ABCC3: variants seen among roughly 807,000 people sequenced by gnomAD.
ABCC3 encodes ATP-binding cassette sub-family C member 3.
In ABCC3, 121 loss-of-function variants were observed where a neutral mutation model predicts 165.3. The observed-to-expected ratio is 0.73, with a 90% CI of 0.63 to 0.85. ABCC3 has a LOEUF of 0.85. ABCC3 is among the 40% of genes least tolerant of loss of function. The probability of loss-of-function intolerance (pLI) is 0.00; values close to 1 mark genes in which losing one functional copy is unlikely to be tolerated. For missense variants in ABCC3, 1,869 were observed against 1,964.1 expected (o/e 0.95, Z 0.92); for synonymous variants, 733 against 810.1 (o/e 0.90, Z 1.62).
chr17:50,674,579 T>G (rs1346811559), intron 19 of ABCC3: 9 of 152,338 alleles, frequency 5.9e-5, no homozygotes, highest in Middle Eastern at 3.4e-3. Flanking sequence ...ATAGTCCTCA[T>G]GGAGCTTGTT....
At chr17:50,669,553 A>T (rs1296386605) in intron 17 of ABCC3, 25 bp downstream of exon 17, 2 of 1,611,898 alleles carry the variant, frequency 1.2e-6, no homozygotes. Context: ...TCCATCCCTA[A>T]GAGGCTAGGG....
At chr17:50,664,313 C>T in intron 10 of ABCC3, 1 of 633,412 alleles carries the variant, frequency 1.6e-6, no homozygotes, top group Non-Finnish European at 2.7e-6. Context: ...CACACTCCAG[C>T]CTGGGCAACA....
chr17:50,659,469 C>G, intron 7 of ABCC3, 101 bp downstream of exon 7: 1 of 1,402,276 alleles, frequency 7.1e-7, no homozygotes, highest in East Asian at 2.4e-5. Flanking sequence ...GCTGGGGTGG[C>G]AAGCAGAGCA....
chr17:50,646,963 C>T (rs1352759170), intron 1 of ABCC3, among the ~76,000 whole-genome samples: 1 of 152,222 alleles, frequency 6.6e-6, no homozygotes, highest in Non-Finnish European at 1.5e-5. Context: ...ACTGCAACCT[C>T]CGCCTCCCGG....
At chr17:50,678,474 G>A (rs1406723474) in intron 25 of ABCC3, among the ~76,000 whole-genome samples, 5 of 152,138 alleles carry the variant, frequency 3.3e-5, no homozygotes, top group Admixed American at 3.3e-4. Context: ...GAATTCTGTT[G>A]AATAATCTCT....
chr17:50,673,712 T>G, intron 19 of ABCC3, 54 bp downstream of exon 19: 1 of 1,562,326 alleles, frequency 6.4e-7, no homozygotes, highest in Non-Finnish European at 8.8e-7. Flanking sequence ...ATTCCCCCTG[T>G]CTGGGGTCTC....
At chr17:50,635,095 G>A (rs2054166209) in intron 1 of ABCC3, 114 bp downstream of exon 1, 2 of 1,165,678 alleles carry the variant, frequency 1.7e-6, no homozygotes, top group East Asian at 6.3e-5. Context: ...CGGAGCCCCT[G>A]AGACGGCCTG....
At position 50,673,068 on chromosome 17, in the gene ABCC3, C is replaced by T. The variant is rs766740692; in HGVS notation, c.2339C>T (p.Ala780Val). ...DIFLLDDPLS[A>V]VDSHVAKHIF... ...TTCTTGCTGGATGACCCACTGTCCG[C>T]GGTGGACTCTCATGTGGCCAAGCAC... Residue 780 changes from alanine to valine, a missense_variant, in exon 18 of 31, where the codon GCG (alanine) becomes GTG (valine). Coordinates refer to ENST00000285238, the MANE Select transcript of ABCC3 (RefSeq NM_003786.4). 4.6e-5 allele frequency: 74 copies of T among 1,613,984 alleles called. No homozygotes were observed. The highest frequency in any genetic ancestry group is 2.1e-5 in the Non-Finnish European group (25 of 1,180,036).
At chr17:50,646,718 A>G (rs1967008267) in intron 1 of ABCC3, among the ~76,000 whole-genome samples, 1 of 152,208 alleles carries the variant, frequency 6.6e-6, no homozygotes. Context: ...GTCTATGGCA[A>G]TTGCTCATGA....
In ABCC3 at chr17:50,677,761, A is replaced by G. The variant is rs771572140; in HGVS notation, c.3396A>G (p.Thr1132=). ...TCCATCAGCGCTTCTATGCAGCCAC[A>G]TCACGGCAACTGAAGCGGCTGGAAT... is the stretch of plus-strand genomic sequence containing the variant. The part of the protein sequence containing the change: ...YTLVQRFYAA[T]SRQLKRLESV... The change falls in exon 24 of 31, where the codon ACA becomes ACG. Residue 1132 remains threonine, a synonymous_variant. Coordinates refer to ENST00000285238, the MANE Select transcript of ABCC3 (RefSeq NM_003786.4). The G allele has an allele frequency of 1.2e-6, 2 of 1,614,022 alleles. No homozygotes were observed. Among genetic ancestry groups the G allele is most frequent in the Admixed American group, 1.7e-5 (1 of 60,002 alleles).
rs775180789 is a variant in ABCC3 at position 50,667,579 on chromosome 17, C to T, written c.1457C>T (p.Ser486Leu). The T allele has an allele frequency of 6.0e-5, 97 of 1,610,546 alleles. No individual in the cohort carries two copies. The highest frequency in any genetic ancestry group is 7.3e-5 in the Non-Finnish European group (86 of 1,177,046). The change falls in exon 12 of 31, where the codon TCG (serine) becomes TTG (leucine). Residue 486 changes from serine to leucine, a missense_variant. By Grantham distance (145) the Ser-to-Leu change is moderately radical. Coordinates refer to ENST00000285238, the MANE Select transcript of ABCC3 (RefSeq NM_003786.4). ...FQVKQMKLKD[S>L]RIKLMSEILN... Reference sequence around the variant, plus strand: ...GTAAAGCAAATGAAATTGAAGGACTCGCGCATCAAGCTGATGAGTGAGATC... The same window carrying T: ...GTAAAGCAAATGAAATTGAAGGACTTGCGCATCAAGCTGATGAGTGAGATC...
At position 50,676,406 on chromosome 17, in the gene ABCC3, G is replaced by T. The variant is rs762885036; in HGVS notation, c.3196G>T (p.Gly1066Cys). The change falls in exon 23 of 31, where the codon GGC becomes TGC. Residue 1066 changes from glycine (G) to cysteine (C), a missense_variant. By Grantham distance (159) the Gly-to-Cys change is radical. Coordinates refer to ENST00000285238, the MANE Select transcript of ABCC3 (RefSeq NM_003786.4). The part of the protein sequence containing the change: ...PQSFFDTTPS[G>C]RILNCFSKDI... ...GTCCTTCTTTGACACCACACCATCA[G>T]GCCGCATCCTGAACTGCTTCTCCAA... The T allele has an allele frequency of 4.2e-5, 68 of 1,614,076 alleles. No homozygotes were observed. Among genetic ancestry groups the T allele is most frequent in the Non-Finnish European group, 5.4e-5 (64 of 1,180,038 alleles).
intron 12 of ABCC3, 25 bp downstream of exon 12, chr17:50,667,782 C>T: frequency 6.2e-7 from 1 of 1,614,014 alleles, no homozygotes; most frequent in Non-Finnish European, 8.5e-7. Flanking sequence ...AGGGCTGGGT[C>T]CCTGCCTCCA....
At chr17:50,681,785 G>T (rs556545852) in intron 26 of ABCC3, among the ~76,000 whole-genome samples, 1 of 151,978 alleles carries the variant, frequency 6.6e-6, no homozygotes, top group Non-Finnish European at 1.5e-5. Flanking sequence ...TCTTAGCAAC[G>T]TCCCAATAAA....
Position 50,669,034 on chromosome 17 carries a change from AG to A in ABCC3, c.1938-100del, listed in dbSNP as rs910691066. 1.9e-5 allele frequency: 31 copies of A among 1,594,544 alleles called. No homozygotes were observed. The African/African-American group carries it at 3.4e-4, about 17-fold the overall frequency. On this transcript the variant is annotated intron_variant, in intron 15 of 30. Transcript: ENST00000285238. ...AATGCAGGAAGAGCTTCAGCCTGCC[AG>A]GGGGGTGTCTGGAAGGGCGGAGGGC... is the stretch of plus-strand genomic sequence containing the variant.
chr17:50,665,488 G>T (rs1033501744), intron 11 of ABCC3, among the ~76,000 whole-genome samples: 5 of 152,220 alleles, frequency 3.3e-5, no homozygotes, highest in Non-Finnish European at 7.3e-5. Flanking sequence ...ATCAGGCAGG[G>T]CTGGGACTCA....
At position 50,691,135 on chromosome 17, in the gene ABCC3, C is replaced by T. The variant is rs1215244518; in HGVS notation, c.4519C>T (p.Pro1507Ser). Residue 1507 changes from proline to serine, a missense_variant, in exon 31 of 31, where the codon CCA becomes TCA. Physicochemically the swap from Pro to Ser is moderately conservative, Grantham distance 74. Transcript: ENST00000285238. ...DKGVVAEFDS[P>S]ANLIAARGIF... ...AGGAGTAGTAGCTGAATTTGATTCT[C>T]CAGCCAACCTCATTGCAGCTAGAGG... is the stretch of plus-strand genomic sequence containing the variant. The T allele has an allele frequency of 1.9e-6, 3 of 1,614,044 alleles. No individual in the cohort carries two copies. The highest frequency in any genetic ancestry group is 1.3e-5 in the African/African-American group (1 of 74,924).
In ABCC3 at chr17:50,668,510, C is replaced by T; in HGVS notation, c.1863C>T (p.Ile621=). Residue 621 remains isoleucine, a synonymous_variant, in exon 14 of 31, where the codon ATC becomes ATT. Transcript: ENST00000285238. ...LDPQSVERKT[I]SPGYAITIHS... ...CCCAGAGTGTGGAAAGAAAGACCATCTCCCCAGGTCTAGAGAGCCCCTACC... is the reference window on the plus strand; with the variant it reads ...CCCAGAGTGTGGAAAGAAAGACCATTTCCCCAGGTCTAGAGAGCCCCTACC... 6.2e-7 allele frequency: 1 copy of T among 1,613,708 alleles called. No individual in the cohort carries two copies. The highest frequency in any genetic ancestry group is 8.5e-7 in the Non-Finnish European group (1 of 1,179,682).
At chr17:50,656,970 C>A in intron 3 of ABCC3, 76 bp from the exon 4 acceptor site, 7 of 1,564,798 alleles carry the variant, frequency 4.5e-6, no homozygotes, top group Non-Finnish European at 6.1e-6. Context: ...AACTTCTGGC[C>A]ATGTGGGATG....
Sources: gnomAD v4.1 joint callset for allele counts (sites outside exome capture counted in the v4.1 genomes callset) on GRCh38, gnomAD v4.1.1 for gene constraint, MANE v1.5 for transcripts, NCBI Gene and HGNC (gene_info 2026-07-23, HGNC 2026-07-21) for gene names.